Variants in NEDD4L observed in about 807,000 individuals in gnomAD.
The protein encoded by NEDD4L is NEDD4 like E3 ubiquitin protein ligase.
Under a neutral mutation model 148.9 loss-of-function variants are expected in NEDD4L, and 54 were observed. That is an observed-to-expected ratio of 0.36 (90% CI 0.29 to 0.45). The LOEUF is 0.45. Among genes scored for constraint, NEDD4L ranks in the 20% least tolerant of loss-of-function variants. The probability of loss-of-function intolerance (pLI) is 1.00; values close to 1 mark genes in which losing one functional copy is unlikely to be tolerated. For synonymous variants in NEDD4L, 433 were observed against 440.7 expected, an observed-to-expected ratio of 0.98 and a Z score of 0.22; for missense variants, 856 against 1,233.8, an observed-to-expected ratio of 0.69 and a Z score of 4.59.
intron 5 of NEDD4L, among the ~76,000 whole-genome samples, chr18:58,263,292 GCAGAT>G (rs950165060): frequency 5.9e-5 from 9 of 152,160 alleles, no homozygotes; most frequent in Non-Finnish European, 1.0e-4. Context: ...TTTCCCCCAG[GCAGAT>G]CAGCTTTTCA....
At chr18:58,230,884 G>A (rs1434506629) in intron 2 of NEDD4L, among the ~76,000 whole-genome samples, 4 of 152,290 alleles carry the variant, frequency 2.6e-5, no homozygotes, top group Admixed American at 2.6e-4. Context: ...ACACACTAGC[G>A]TAAGACATGG....
chr18:58,273,969 G>T (rs1473686664), intron 5 of NEDD4L, among the ~76,000 whole-genome samples: 1 of 152,232 alleles, frequency 6.6e-6, no homozygotes, highest in African/African-American at 2.4e-5. Flanking sequence ...CTGGAGTCCA[G>T]GCTGGCCTTG....
chr18:58,204,127 G>A (rs1186585617), intron 2 of NEDD4L, among the ~76,000 whole-genome samples: 1 of 152,194 alleles, frequency 6.6e-6, no homozygotes, highest in Non-Finnish European at 1.5e-5. Context: ...AGGAGTTTGA[G>A]ACCTGCCTGG....
At chr18:58,310,463 A>C (rs975186755) in intron 5 of NEDD4L, among the ~76,000 whole-genome samples, 1 of 152,206 alleles carries the variant, frequency 6.6e-6, no homozygotes, top group African/African-American at 2.4e-5. Flanking sequence ...CATTCAGAGA[A>C]TATGTCATCA....
chr18:58,138,065 C>T (rs1489187495), intron 1 of NEDD4L, among the ~76,000 whole-genome samples: 1 of 152,224 alleles, frequency 6.6e-6, no homozygotes, highest in African/African-American at 2.4e-5. Context: ...TGCTCTCCTG[C>T]CGCCCCACTG....
chr18:58,063,002 A>T (rs1470060925), intron 1 of NEDD4L, among the ~76,000 whole-genome samples: 1 of 149,052 alleles, frequency 6.7e-6, no homozygotes, highest in East Asian at 1.9e-4. Context: ...AAAAAAAAAA[A>T]AAGAAATCGA....
intron 5 of NEDD4L, among the ~76,000 whole-genome samples, chr18:58,276,712 T>A (rs375632234): frequency 0.25 from 37,383 of 149,590 alleles, 5,632 homozygotes; most frequent in African/African-American, 0.42. Context: ...ATTATTATTA[T>A]TAATAAAATG....
chr18:58,154,235 G>A (rs766448577), intron 1 of NEDD4L, among the ~76,000 whole-genome samples: 1 of 152,284 alleles, frequency 6.6e-6, no homozygotes, highest in Middle Eastern at 3.4e-3. Flanking sequence ...CCTGATAACC[G>A]AGCTCAGGCA....
intron 2 of NEDD4L, among the ~76,000 whole-genome samples, chr18:58,231,076 C>T (rs544710164): frequency 2.0e-4 from 30 of 151,718 alleles, no homozygotes; most frequent in Non-Finnish European, 3.7e-4. Context: ...GGGAAAACCC[C>T]TGTCTCTACA....
chr18:58,298,990 T>A (rs1219272615), intron 5 of NEDD4L, among the ~76,000 whole-genome samples: 4 of 152,220 alleles, frequency 2.6e-5, no homozygotes, highest in Non-Finnish European at 5.9e-5. Flanking sequence ...TTTAGTCACA[T>A]CCCTCGAATG....
At chr18:58,332,676 T>TG (rs758267888) in intron 11 of NEDD4L, among the ~76,000 whole-genome samples, 3 of 152,140 alleles carry the variant, frequency 2.0e-5, no homozygotes, top group South Asian at 2.1e-4. Flanking sequence ...GTAACCAATG[T>TG]GGGAAGATGT....
At chr18:58,109,641 G>T (rs1165618095) in intron 1 of NEDD4L, among the ~76,000 whole-genome samples, 1 of 145,112 alleles carries the variant, frequency 6.9e-6, no homozygotes, top group African/African-American at 2.6e-5. Context: ...GCATGATCTC[G>T]GCTCACTCAA....
intron 5 of NEDD4L, among the ~76,000 whole-genome samples, chr18:58,267,226 A>G (rs547364456): frequency 6.6e-6 from 1 of 152,180 alleles, no homozygotes; most frequent in East Asian, 1.9e-4. Flanking sequence ...CTCAATTCTA[A>G]TGGTTAGGTA....
chr18:58,150,678 G>A (rs1042535850), intron 1 of NEDD4L, among the ~76,000 whole-genome samples: 10 of 152,226 alleles, frequency 6.6e-5, no homozygotes, highest in Non-Finnish European at 1.2e-4. Context: ...GAAGTAGCAG[G>A]GAGGACTAGG....
At chr18:58,245,286 T>C (rs560017549) in intron 2 of NEDD4L, 141 bp from the exon 3 acceptor site, 16 of 490,516 alleles carry the variant, frequency 3.3e-5, no homozygotes, top group Admixed American at 2.9e-4. Context: ...TTAGTAGATA[T>C]GTTAAAAAGG....
chr18:58,222,375 G>C (rs989939267), intron 2 of NEDD4L, among the ~76,000 whole-genome samples: 1 of 151,954 alleles, frequency 6.6e-6, no homozygotes. Context: ...TCTCTTCCTC[G>C]GTATGAGTAA....
intron 1 of NEDD4L, among the ~76,000 whole-genome samples, chr18:58,105,915 G>A (rs557928650): frequency 2.6e-5 from 4 of 152,174 alleles, no homozygotes; most frequent in Non-Finnish European, 4.4e-5. Flanking sequence ...TATTTTTGCC[G>A]TTTTCAGGGT....
Position 58,149,347 on chromosome 18 carries a change from G to C in NEDD4L, c.49-16441G>C. 4 of 1,365,332 alleles carry C rather than the reference G, an allele frequency of 2.9e-6. No individual in the cohort carries two copies. In the South Asian group the frequency reaches 7.3e-5, roughly 25 times the overall value. 84.6% of individuals were successfully genotyped at this position (1,365,332 alleles called of 1,614,324 possible). A position where few individuals can be genotyped will look rare whatever the true frequency, so the allele number is the denominator to read the frequency against. ...TCACAGAGGAAGCCATTTCCAGAGA[G>C]GAACAACCGTGTAGACTGCTTTCCT... On this transcript the variant is annotated intron_variant, in intron 1 of 30. Coordinates refer to ENST00000400345, the MANE Select transcript of NEDD4L (RefSeq NM_001144967.3).
intron 5 of NEDD4L, among the ~76,000 whole-genome samples, chr18:58,281,695 A>G (rs2053122400): frequency 6.6e-6 from 1 of 151,588 alleles, no homozygotes; most frequent in Non-Finnish European, 1.5e-5. Flanking sequence ...TTTTTTTCTT[A>G]ATGCGTTACA....
Sources: gnomAD v4.1 joint callset for allele counts (sites outside exome capture counted in the v4.1 genomes callset) on GRCh38, gnomAD v4.1.1 for gene constraint, MANE v1.5 for transcripts, NCBI Gene and HGNC (gene_info 2026-07-23, HGNC 2026-07-21) for gene names.